Variants in PLOD1 observed in about 807,000 individuals in gnomAD.
PLOD1 encodes lysine hydroxylase.
PLOD1 carries 70 observed loss-of-function variants against 94.7 expected under a neutral mutation model. The ratio of observed to expected loss-of-function variants is 0.74; its 90% confidence interval spans 0.61 to 0.90. The LOEUF (loss-of-function observed/expected upper bound fraction) is 0.90, where lower values mean the gene tolerates loss of function less well. PLOD1 is among the 40% of genes least tolerant of loss of function. The pLI, the probability that PLOD1 is intolerant of heterozygous loss-of-function variation, is 0.00. For missense variants in PLOD1, 905 were observed against 972.7 expected (o/e 0.93, Z 0.93); for synonymous variants, 417 against 400.2 (o/e 1.04, Z -0.50).
In PLOD1 at chr1:11,965,613, A is replaced by AT. The variant is rs763976760; in HGVS notation, c.1584+21dup. The AT allele has an allele frequency of 7.5e-6, 11 of 1,476,120 alleles. No individual in the cohort carries two copies. In the South Asian group the frequency reaches 1.1e-4, roughly 15 times the overall value. The allele number at this position is 1,476,120 out of a possible 1,614,324, so 91.4% of individuals were successfully genotyped here. The stretch of plus-strand genomic sequence containing the variant: ...CCCGAGGTGAGGCCAGGGTGGGCAC[A>AT]TAGGGGCTGGGAGCAAAGGGGCCCA... On this transcript the variant is annotated intron_variant, in intron 14 of 18. Transcript: ENST00000196061.
intron 6 of PLOD1, 89 bp downstream of exon 6, chr1:11,954,982 G>C: frequency 9.6e-7 from 1 of 1,045,214 alleles, no homozygotes; most frequent in Middle Eastern, 2.7e-4. Flanking sequence ...GGAGAAATGG[G>C]CTGCTTCTTT....
In PLOD1 at chr1:11,963,004, G is replaced by T. The variant is rs1282775010; in HGVS notation, c.1098-528G>T. Among the ~76,000 whole-genome samples, 6 of 151,976 alleles carry T rather than the reference G, an allele frequency of 3.9e-5. No individual in the cohort carries two copies. The highest frequency in any genetic ancestry group is 3.9e-4 in the Admixed American group (6 of 15,238). On this transcript the variant is annotated intron_variant, in intron 10 of 18. Transcript: ENST00000196061. This position sits in a 1 kb window ranked among gnomAD's most constrained non-coding sequence, Gnocchi z 4.3. Reference sequence around the variant, plus strand: ...TGCAGTGAGCTGAGATTGTGCCATTGCATTCCAGCCTGGGCAACAGAGTGA... The same window carrying T: ...TGCAGTGAGCTGAGATTGTGCCATTTCATTCCAGCCTGGGCAACAGAGTGA...
rs112531381 is a variant in PLOD1 at position 11,943,300 on chromosome 1, C to CTTTCTTT, written c.77-4673_77-4672insCTTTTTT. 1.2e-3 allele frequency among the ~76,000 whole-genome samples: 168 copies of CTTTCTTT among 141,468 alleles called. 2 individuals carry two copies. Among genetic ancestry groups the CTTTCTTT allele is most frequent in the African/African-American group, 4.2e-3 (160 of 38,210 alleles). The allele number at this position is 141,468 out of a possible 152,430, so 92.8% of individuals were successfully genotyped here. ...ACCGTGCCCGGCTTTTTTTTTCTTT[C>CTTTCTTT]TTTTTTTTTTTTTGAGACAGAGTTT... On this transcript the variant is annotated intron_variant, in intron 1 of 18. Transcript: ENST00000196061.
At chr1:11,969,195 G>A (rs116184229) in intron 16 of PLOD1, among the ~76,000 whole-genome samples, 1,603 of 151,858 alleles carry the variant, frequency 0.011, 21 homozygotes, top group African/African-American at 0.036. Context: ...CACCGTGTTT[G>A]TGAGGCTGGT....
chr1:11,949,990 G>T (rs1429624771), intron 3 of PLOD1, 84 bp downstream of exon 3: 2 of 1,376,172 alleles, frequency 1.5e-6, no homozygotes, highest in African/African-American at 2.9e-5. Flanking sequence ...CAGAACATCG[G>T]GGAAGAAGGG....
At chr1:11,950,011 A>T in intron 3 of PLOD1, 105 bp downstream of exon 3, 1 of 1,220,088 alleles carries the variant, frequency 8.2e-7, no homozygotes, top group South Asian at 1.2e-5. Context: ...GGACCACTCT[A>T]GCTAAGGTTG....
In PLOD1 at chr1:11,967,616, A is replaced by ATATATATATATATATATATAAAT. The variant is rs35226154; in HGVS notation, c.1755+525_1755+526insTATATATATATATATATATAAAT. 4.0e-5 allele frequency among the ~76,000 whole-genome samples: 3 copies of ATATATATATATATATATATAAAT among 75,134 alleles called. No homozygotes were observed. The South Asian group carries it at 1.7e-3, about 43-fold the overall frequency. 49.3% of individuals were successfully genotyped at this position (75,134 alleles called of 152,430 possible). On this transcript the variant is annotated intron_variant, in intron 16 of 18. Transcript: ENST00000196061. Reference sequence around the variant, plus strand: ...GTGTGTGTATATATATATATATATAAAAAGAAATATATATAGATTTTATTT... The same window carrying ATATATATATATATATATATAAAT: ...GTGTGTGTATATATATATATATATAATATATATATATATATATATAAATAAAGAAATATATATAGATTTTATTT...
intron 1 of PLOD1, chr1:11,944,422 TACACAC>T (rs5772479): frequency 0.077 from 36,666 of 476,070 alleles, 752 homozygotes; most frequent in East Asian, 0.13. Context: ...CATGCACGCG[TACACAC>T]ACACACACAC....
intron 1 of PLOD1, among the ~76,000 whole-genome samples, chr1:11,944,138 C>T (rs1645633192): frequency 6.6e-6 from 1 of 151,756 alleles, no homozygotes; most frequent in South Asian, 2.1e-4. Context: ...GAGGCTGAGG[C>T]ATGAGAATCG....
At chr1:11,968,839 CTTTT>C (rs566417062) in intron 16 of PLOD1, among the ~76,000 whole-genome samples, 14 of 124,072 alleles carry the variant, frequency 1.1e-4, no homozygotes, top group Admixed American at 1.6e-4. Context: ...TTTCTACGTC[CTTTT>C]TTTTTTTTTT....
intron 1 of PLOD1, among the ~76,000 whole-genome samples, chr1:11,935,710 C>T (rs1390523953): frequency 6.6e-6 from 1 of 151,926 alleles, no homozygotes; most frequent in Non-Finnish European, 1.5e-5. Context: ...CTGCAACCTC[C>T]ACCTCCCAGG....
intron 1 of PLOD1, among the ~76,000 whole-genome samples, chr1:11,939,261 C>T (rs1010309656): frequency 1.3e-5 from 2 of 152,192 alleles, no homozygotes; most frequent in Non-Finnish European, 2.9e-5. Context: ...GCAGCTGGCC[C>T]CGGGGAGGCT....
Position 11,965,488 on chromosome 1 carries a change from C to T in PLOD1, c.1479C>T (p.Phe493=). ...FCANIRQQDV[F]MFLTNRHTLG... ...GGGCCTGTCCTCCCCAGGATGTGTT[C>T]ATGTTCCTGACCAACCGGCACACCC... Residue 493 remains phenylalanine, a synonymous_variant, in exon 14 of 19, where the codon TTC becomes TTT. Coordinates refer to ENST00000196061, the MANE Select transcript of PLOD1 (RefSeq NM_000302.4). The T allele has an allele frequency of 6.2e-7, 1 of 1,609,694 alleles. No homozygotes were observed. The highest frequency in any genetic ancestry group is 1.1e-5 in the South Asian group (1 of 91,012).
Position 11,958,397 on chromosome 1 carries a change from T to G in PLOD1, c.844-119T>G. ...CTGGAGTTCCCCGGCCCGGGCACCT[T>G]TCTTGGGAAGTCTACATGCTTCTGA... On this transcript the variant is annotated intron_variant, in intron 8 of 18. Transcript: ENST00000196061. The surrounding 1 kb of genome is among the most constrained non-coding windows in gnomAD (Gnocchi z 4.3). The G allele has an allele frequency of 2.5e-6, 3 of 1,187,160 alleles. No individual in the cohort carries two copies. Among genetic ancestry groups the G allele is most frequent in the Non-Finnish European group, 3.6e-6 (3 of 829,724 alleles). The allele number at this position is 1,187,160 out of a possible 1,614,324, so 73.5% of individuals were successfully genotyped here. A position where few individuals can be genotyped will look rare whatever the true frequency, so the allele number is the denominator to read the frequency against.
At chr1:11,968,395 T>A (rs1645836620) in intron 16 of PLOD1, among the ~76,000 whole-genome samples, 1 of 152,176 alleles carries the variant, frequency 6.6e-6, no homozygotes, top group South Asian at 2.1e-4. Context: ...CTAAGCAAAC[T>A]CTGTCCTTAG....
intron 5 of PLOD1, among the ~76,000 whole-genome samples, chr1:11,953,270 G>T (rs1467886880): frequency 1.3e-4 from 20 of 151,682 alleles, no homozygotes; most frequent in Non-Finnish European, 2.9e-4. Context: ...TCGCCAGGCT[G>T]GTCTCGAACT....
chr1:11,957,140 G>A lies in PLOD1; in HGVS notation c.741+126G>A. 1.3e-6 allele frequency: 1 copy of A among 777,574 alleles called. No homozygotes were observed. The highest frequency in any genetic ancestry group is 1.4e-5 in the South Asian group (1 of 73,914). The allele number at this position is 777,574 out of a possible 1,614,324, so 48.2% of individuals were successfully genotyped here. A position where few individuals can be genotyped will look rare whatever the true frequency, so the allele number is the denominator to read the frequency against. ...TCCTGGGGCCTGCTATGAACTCACT[G>A]CCTCTGTCCTCACATCTGAGCTCAG... On this transcript the variant is annotated intron_variant, in intron 7 of 18. Coordinates refer to ENST00000196061, the MANE Select transcript of PLOD1 (RefSeq NM_000302.4). This position sits in a 1 kb window ranked among gnomAD's most constrained non-coding sequence, Gnocchi z 4.1.
intron 5 of PLOD1, 91 bp from the exon 6 acceptor site, chr1:11,954,739 T>C (rs1569699095): frequency 2.0e-6 from 2 of 996,160 alleles, no homozygotes; most frequent in African/African-American, 3.2e-5. Flanking sequence ...AGGGCTGAAC[T>C]TGGGGACAGA....
chr1:11,954,864 G>T lies in PLOD1; in HGVS notation c.614G>T (p.Arg205Leu), dbSNP rs536503346. The T allele has an allele frequency of 1.2e-6, 2 of 1,613,686 alleles. No individual in the cohort carries two copies. The highest frequency in any genetic ancestry group is 1.3e-5 in the African/African-American group (1 of 75,058). ...QINITLDHRC[R>L]IFQNLDGALD... ...AATATCACCCTGGACCACCGCTGCC[G>T]TATCTTCCAGAACCTGGATGGAGCC... The change falls in exon 6 of 19, where the codon CGT (arginine) becomes CTT (leucine). Residue 205 changes from arginine to leucine, a missense_variant. Coordinates refer to ENST00000196061, the MANE Select transcript of PLOD1 (RefSeq NM_000302.4).
Sources: allele counts gnomAD v4.1 joint callset (sites outside exome capture counted in the v4.1 genomes callset), GRCh38; gene constraint gnomAD v4.1.1; non-coding constraint Gnocchi (gnomAD v3.1); transcripts MANE v1.5; gene names NCBI Gene and HGNC (gene_info 2026-07-23, HGNC 2026-07-21).